The following GPM6A variants were observed in gnomAD, a reference collection of about 807,000 sequenced individuals.
GPM6A encodes neuronal membrane glycoprotein M6-a.
Under a neutral mutation model 32.1 loss-of-function variants are expected in GPM6A, and 7 were observed. The ratio of observed to expected loss-of-function variants is 0.22; its 90% CI spans 0.12 to 0.41. The LOEUF is 0.41. Among genes scored for constraint, GPM6A ranks in the 10% least tolerant of loss-of-function variants. The pLI is 1.00. For missense variants in GPM6A, 235 were observed against 347.2 expected (o/e 0.68, Z 2.57); for synonymous variants, 130 against 123.4 (o/e 1.05, Z -0.35).
At chr4:175,759,470 G>A (rs914553244) in intron 1 of GPM6A, among the ~76,000 whole-genome samples, 1 of 152,000 alleles carries the variant, frequency 6.6e-6, no homozygotes, top group Non-Finnish European at 1.5e-5. Context: ...TTTTTGTTAT[G>A]AATTTCAAGG....
rs183047047 is a variant in GPM6A, at chr4:175,910,192, G to A, written c.-23+92117C>T. On this transcript the variant is annotated intron_variant, in intron 1 of 7. Coordinates refer to the GPM6A transcript ENST00000280187. ...ATCTCTCTCAAGCCAGTGGAATTCT[G>A]CTACAGCACACCACTGGTTTCCCTG... 7.2e-5 allele frequency among the ~76,000 whole-genome samples: 11 copies of A among 152,238 alleles called. No individual in the cohort carries two copies. The East Asian group carries it at 2.1e-3, about 29-fold the overall frequency.
intron 4 of GPM6A, among the ~76,000 whole-genome samples, chr4:175,643,887 T>A (rs1270889523): frequency 6.6e-6 from 1 of 152,054 alleles, no homozygotes; most frequent in South Asian, 2.1e-4. Flanking sequence ...TGTGTGCAAC[T>A]CCAGAAAACA....
At chr4:175,646,484 T>C (rs770284509) in intron 4 of GPM6A, among the ~76,000 whole-genome samples, 1 of 152,222 alleles carries the variant, frequency 6.6e-6, no homozygotes, top group Non-Finnish European at 1.5e-5. Context: ...GTCTTGGCTG[T>C]CTTCTCTAGA....
At chr4:175,861,607 CT>C (rs1468133915) in intron 1 of GPM6A, among the ~76,000 whole-genome samples, 4 of 151,732 alleles carry the variant, frequency 2.6e-5, no homozygotes, top group Non-Finnish European at 5.9e-5. Flanking sequence ...CAAAAATTAA[CT>C]GTACGTGGTG....
chr4:175,715,887 G>T (rs1745816500), intron 1 of GPM6A, among the ~76,000 whole-genome samples: 1 of 151,982 alleles, frequency 6.6e-6, no homozygotes, highest in African/African-American at 2.4e-5. Flanking sequence ...CCAACATGGA[G>T]AAACCCCATC....
intron 2 of GPM6A, among the ~76,000 whole-genome samples, chr4:175,692,989 C>T (rs1196591515): frequency 1.3e-5 from 2 of 151,970 alleles, no homozygotes; most frequent in Admixed American, 6.6e-5. Context: ...CGCAGCTTCT[C>T]AATTCCCTGT....
At chr4:175,882,451 T>G (rs1737309827) in intron 1 of GPM6A, among the ~76,000 whole-genome samples, 1 of 151,958 alleles carries the variant, frequency 6.6e-6, no homozygotes, top group Non-Finnish European at 1.5e-5. Context: ...AAAATGGAAA[T>G]CATCTTTTTT....
chr4:175,695,203 G>T (rs1744509946), intron 2 of GPM6A, among the ~76,000 whole-genome samples: 1 of 152,232 alleles, frequency 6.6e-6, no homozygotes, highest in African/African-American at 2.4e-5. Flanking sequence ...GCACTATGGA[G>T]GGGAAATGTG....
intron 2 of GPM6A, among the ~76,000 whole-genome samples, chr4:175,687,798 A>T (rs73020151): frequency 1.2e-4 from 19 of 152,264 alleles, no homozygotes; most frequent in African/African-American, 4.6e-4. Context: ...AGCATCAGTG[A>T]ACACTAGGGT....
intron 1 of GPM6A, chr4:175,970,898 A>G (rs1169373354): frequency 2.2e-6 from 1 of 447,628 alleles, no homozygotes; most frequent in East Asian, 7.1e-5. Context: ...CTCGATACCG[A>G]CAGACCCTTT....
At chr4:175,668,427 TG>T (rs201649321) in intron 3 of GPM6A, among the ~76,000 whole-genome samples, 20 of 149,824 alleles carry the variant, frequency 1.3e-4, no homozygotes, top group East Asian at 7.8e-4. Flanking sequence ...AGTTAAAATC[TG>T]GAAAAAAAAA....
intron 3 of GPM6A, among the ~76,000 whole-genome samples, chr4:175,669,502 G>A (rs1371675170): frequency 6.6e-6 from 1 of 152,098 alleles, no homozygotes; most frequent in East Asian, 1.9e-4. Context: ...CATTTCCTTT[G>A]AGCATCACGT....
intron 1 of GPM6A, among the ~76,000 whole-genome samples, chr4:175,759,014 T>C (rs1278283615): frequency 1.3e-5 from 2 of 152,184 alleles, no homozygotes; most frequent in Non-Finnish European, 2.9e-5. Flanking sequence ...AGCACACAGT[T>C]ATACTATTCT....
chr4:175,883,442 A>T (rs1234886317), intron 1 of GPM6A, among the ~76,000 whole-genome samples: 2 of 152,174 alleles, frequency 1.3e-5, no homozygotes, highest in Admixed American at 6.5e-5. Context: ...AGTAGTTCAC[A>T]TAACTTTTTC....
chr4:175,947,899 C>G (rs569693853), intron 1 of GPM6A, among the ~76,000 whole-genome samples: 3 of 152,218 alleles, frequency 2.0e-5, no homozygotes, highest in Non-Finnish European at 4.4e-5. Flanking sequence ...ACCTAGAACA[C>G]AGTAGGCACT....
At chr4:175,848,736 T>A (rs759459227) in intron 1 of GPM6A, among the ~76,000 whole-genome samples, 1 of 151,832 alleles carries the variant, frequency 6.6e-6, no homozygotes, top group Non-Finnish European at 1.5e-5. Flanking sequence ...AATGTATACA[T>A]CATTCTTGAC....
chr4:175,933,373 A>G (rs1443447551), intron 1 of GPM6A, among the ~76,000 whole-genome samples: 1 of 152,190 alleles, frequency 6.6e-6, no homozygotes, highest in Non-Finnish European at 1.5e-5. Context: ...TTAGAGTAAC[A>G]CTAAGTCTCA....
At chr4:175,809,187 T>G (rs886145222) in intron 1 of GPM6A, among the ~76,000 whole-genome samples, 1 of 152,206 alleles carries the variant, frequency 6.6e-6, no homozygotes, top group African/African-American at 2.4e-5. Context: ...AACAGTTGCA[T>G]GGCTACAAGT....
intron 1 of GPM6A, among the ~76,000 whole-genome samples, chr4:175,915,471 A>G (rs536662734): frequency 6.6e-6 from 1 of 152,082 alleles, no homozygotes; most frequent in East Asian, 1.9e-4. Flanking sequence ...ATTTTTACAT[A>G]GAGATAGGGT....
Sources: allele counts gnomAD v4.1 joint callset (sites outside exome capture counted in the v4.1 genomes callset), GRCh38; gene constraint gnomAD v4.1.1; transcripts MANE v1.5; gene names NCBI Gene and HGNC (gene_info 2026-07-23, HGNC 2026-07-21).